Variants in AKAP1 observed in about 807,000 individuals in gnomAD.
AKAP1 encodes A-kinase anchor protein 1, mitochondrial.
In AKAP1, 32 loss-of-function variants were observed where a neutral mutation model predicts 79.8. That is an observed-to-expected ratio of 0.40 (90% confidence interval 0.30 to 0.54). The LOEUF is 0.54. AKAP1 is among the 20% of genes least tolerant of loss of function. The probability of loss-of-function intolerance (pLI) is 0.47; values close to 1 mark genes in which losing one functional copy is unlikely to be tolerated. For missense variants in AKAP1, 961 were observed against 1,138.9 expected (o/e 0.84, Z 2.25); for synonymous variants, 416 against 466.7 (o/e 0.89, Z 1.40).
chr17:57,116,267 C>T lies in AKAP1; in HGVS notation c.2432+6C>T, dbSNP rs1044959131. 9 of 1,613,926 alleles carry T rather than the reference C, an allele frequency of 5.6e-6. No individual in the cohort carries two copies. The highest frequency in any genetic ancestry group is 1.3e-5 in the African/African-American group (1 of 75,044). The stretch of plus-strand genomic sequence containing the variant: ...GACGTGCTCCGGCAAATCAGGTGAG[C>T]GGAGATGCCTCAGGCAGGCCTACGC... On this transcript the variant is annotated splice_donor_region_variant and intron_variant, in intron 7 of 10. Transcript: ENST00000337714.
chr17:57,105,641 C>T lies in AKAP1; in HGVS notation c.177C>T (p.Pro59=), dbSNP rs146969737. ...ACCCTGCCATCAAGGAACCTCTCCCCGTGGAAGACGTCTGTCCCAAAGTAG... is the reference window on the plus strand; with the variant it reads ...ACCCTGCCATCAAGGAACCTCTCCCTGTGGAAGACGTCTGTCCCAAAGTAG... ...RADPAIKEPL[P]VEDVCPKVVS... is the part of the protein sequence containing the mutation. The change falls in exon 2 of 11, where the codon CCC becomes CCT. Residue 59 remains proline (P), a synonymous_variant. Transcript: ENST00000337714. The T allele has an allele frequency of 5.0e-4, 805 of 1,614,108 alleles. 5 individuals carry two copies. The African/African-American group carries it at 5.3e-3, about 11-fold the overall frequency.
At chr17:57,111,958 C>T (rs1226402661) in intron 4 of AKAP1, 34 bp downstream of exon 4, 16 of 1,597,742 alleles carry the variant, frequency 1.0e-5, no homozygotes, top group Non-Finnish European at 1.4e-5. Context: ...TTGCCTCTTA[C>T]CTGAAATATT....
chr17:57,097,942 T>C (rs1914226183), intron 1 of AKAP1, among the ~76,000 whole-genome samples: 2 of 152,212 alleles, frequency 1.3e-5, no homozygotes, highest in South Asian at 2.1e-4. Context: ...TGCAGCCAAA[T>C]TGGCTTAGTC....
intron 1 of AKAP1, among the ~76,000 whole-genome samples, chr17:57,088,768 C>T (rs1913606314): frequency 6.6e-6 from 1 of 152,182 alleles, no homozygotes; most frequent in Admixed American, 6.5e-5. Flanking sequence ...TTAACTTTTT[C>T]ATTTTACTAA....
intron 1 of AKAP1, among the ~76,000 whole-genome samples, chr17:57,097,100 C>T (rs913527102): frequency 6.6e-6 from 1 of 152,294 alleles, no homozygotes; most frequent in South Asian, 2.1e-4. Context: ...GCCTGACCAG[C>T]ACTTCAGCTC....
At chr17:57,094,603 C>T (rs1167053254) in intron 1 of AKAP1, 1 of 144,216 alleles carries the variant, frequency 6.9e-6, no homozygotes, top group Non-Finnish European at 1.5e-5. Flanking sequence ...TGGGTCCCCC[C>T]CAACTTTTTT....
At chr17:57,104,956 C>T (rs3785484) in intron 1 of AKAP1, among the ~76,000 whole-genome samples, 60,143 of 152,016 alleles carry the variant, frequency 0.4, 12,774 homozygotes, top group East Asian at 0.79. Flanking sequence ...TGCTGAGTAA[C>T]AAAGTTCCAT....
chr17:57,112,071 C>G, intron 4 of AKAP1, 147 bp downstream of exon 4: 1 of 1,107,722 alleles, frequency 9.0e-7, no homozygotes, highest in Non-Finnish European at 1.3e-6. Flanking sequence ...TTCCCTGCAG[C>G]CTTTTCCCCA....
At chr17:57,100,143 G>C (rs981082571) in intron 1 of AKAP1, among the ~76,000 whole-genome samples, 13 of 152,144 alleles carry the variant, frequency 8.5e-5, no homozygotes, top group Non-Finnish European at 1.9e-4. Context: ...AGGAGAACTA[G>C]CCCCCGGTGG....
intron 1 of AKAP1, among the ~76,000 whole-genome samples, chr17:57,098,864 C>T (rs1398096176): frequency 4.6e-5 from 7 of 151,090 alleles, no homozygotes; most frequent in Admixed American, 2.0e-4. Context: ...CAGGTTCATG[C>T]CATTCTCCTG....
chr17:57,117,076 G>A, intron 8 of AKAP1, 149 bp downstream of exon 8: 1 of 819,236 alleles, frequency 1.2e-6, no homozygotes, highest in Non-Finnish European at 2.0e-6. Context: ...TCTGGGCTTA[G>A]GCCCAGGAAC....
In AKAP1 at chr17:57,106,307, G is replaced by C; in HGVS notation, c.843G>C (p.Lys281Asn). Residue 281 changes from lysine (K) to asparagine (N), a missense_variant, in exon 2 of 11, where the codon AAG becomes AAC. Lys to Asn is a moderately conservative substitution (Grantham distance 94). Transcript: ENST00000337714. Reference sequence around the variant, plus strand: ...AGTCGGCTCACACAGAGCTGGCAAAGGACGATGCGGCGCCAGCACCCCCAG... The same window carrying C: ...AGTCGGCTCACACAGAGCTGGCAAACGACGATGCGGCGCCAGCACCCCCAG... ...FIESAHTELA[K>N]DDAAPAPPVA... 1.2e-6 allele frequency: 2 copies of C among 1,614,192 alleles called. No homozygotes were observed. Among genetic ancestry groups the C allele is most frequent in the Non-Finnish European group, 1.7e-6 (2 of 1,180,046 alleles).
intron 1 of AKAP1, among the ~76,000 whole-genome samples, chr17:57,103,754 C>T (rs1183678508): frequency 1.3e-5 from 2 of 152,188 alleles, no homozygotes; most frequent in African/African-American, 4.8e-5. Flanking sequence ...TGTAAGTGTT[C>T]TAGAATAAGC....
chr17:57,107,911 T>G, intron 2 of AKAP1: 2 of 1,266,354 alleles, frequency 1.6e-6, no homozygotes, highest in Non-Finnish European at 2.1e-6. Context: ...GCTGTCACCT[T>G]TGCAGAAAGC....
chr17:57,088,619 G>A (rs952770136), intron 1 of AKAP1, among the ~76,000 whole-genome samples: 3 of 152,170 alleles, frequency 2.0e-5, no homozygotes, highest in Non-Finnish European at 2.9e-5. Flanking sequence ...AAGAACCAAG[G>A]AATATTCTTA....
intron 1 of AKAP1, chr17:57,093,859 T>G (rs1293375698): frequency 6.6e-6 from 1 of 151,986 alleles, no homozygotes; most frequent in Non-Finnish European, 1.5e-5. Context: ...ATCTGATTTG[T>G]TTTTCTGCTG....
intron 2 of AKAP1, chr17:57,107,993 C>T: frequency 7.8e-7 from 1 of 1,288,762 alleles, no homozygotes; most frequent in Non-Finnish European, 1.0e-6. Flanking sequence ...AACGAGGTGT[C>T]CTGGGTTTTT....
chr17:57,116,014 TC>T (rs1915555898), intron 6 of AKAP1, 96 bp from the exon 7 acceptor site: 1 of 1,444,250 alleles, frequency 6.9e-7, no homozygotes, highest in African/African-American at 1.4e-5. Context: ...GTTGCAGGCC[TC>T]TGAGAGGTAA....
At position 57,111,928 on chromosome 17, in the gene AKAP1, A is replaced by G; in HGVS notation, c.1975+4A>G. 6.2e-7 allele frequency: 1 copy of G among 1,611,254 alleles called. No individual in the cohort carries two copies. Among genetic ancestry groups the G allele is most frequent in the South Asian group, 1.1e-5 (1 of 90,824 alleles). ...GTCCAGATCTGCCACATAGAAGGTC[A>G]GTAACATCTGCTGCTTGTATTGCCT... On this transcript the variant is annotated splice_donor_region_variant and intron_variant, in intron 4 of 10. Transcript: ENST00000337714.
Sources: gnomAD v4.1 joint callset for allele counts (sites outside exome capture counted in the v4.1 genomes callset) on GRCh38, gnomAD v4.1.1 for gene constraint, MANE v1.5 for transcripts, NCBI Gene and HGNC (gene_info 2026-07-23, HGNC 2026-07-21) for gene names.